The following USP47 variants were observed in gnomAD, a reference collection of about 807,000 sequenced individuals.
The protein encoded by USP47 is ubiquitin specific peptidase 47.
In USP47, 35 loss-of-function variants were observed where a neutral mutation model predicts 165.1. The observed-to-expected ratio is 0.21, with a 90% CI of 0.16 to 0.28. USP47 has a LOEUF of 0.28. USP47 is among the 10% of genes least tolerant of loss of function. The pLI, the probability that USP47 is intolerant of heterozygous loss-of-function variation, is 1.00. For missense variants in USP47, 1,277 were observed against 1,607.4 expected, an observed-to-expected ratio of 0.79 and a Z score of 3.52; for synonymous variants, 531 against 544.5, an observed-to-expected ratio of 0.98 and a Z score of 0.35.
chr11:11,861,239 C>T (rs143120142), intron 1 of USP47, among the ~76,000 whole-genome samples: 4,221 of 152,218 alleles, frequency 0.028, 165 homozygotes, highest in African/African-American at 0.086. Context: ...GAATTACAGG[C>T]ATGTGCCACC....
intron 1 of USP47, among the ~76,000 whole-genome samples, chr11:11,875,035 G>T (rs1377006303): frequency 7.9e-5 from 4 of 50,946 alleles, no homozygotes; most frequent in East Asian, 9.7e-4. Context: ...TTGACTTATT[G>T]TGTGTGTGTG....
At chr11:11,917,866 T>C (rs909642083) in intron 8 of USP47, among the ~76,000 whole-genome samples, 1 of 152,142 alleles carries the variant, frequency 6.6e-6, no homozygotes, top group African/African-American at 2.4e-5. Context: ...GGGCTTAAAT[T>C]GCCTATTAAA....
At chr11:11,855,462 C>G (rs1470319074) in intron 1 of USP47, among the ~76,000 whole-genome samples, 3 of 152,134 alleles carry the variant, frequency 2.0e-5, no homozygotes, top group Admixed American at 6.5e-5. Flanking sequence ...TAATAATTTT[C>G]AAGTATTAGT....
intron 16 of USP47, 83 bp downstream of exon 16, chr11:11,934,018 G>T: frequency 1.0e-6 from 1 of 978,328 alleles, no homozygotes. Context: ...ATGGATAATA[G>T]TTATATAAAC....
At chr11:11,853,799 A>G (rs1231131036) in intron 1 of USP47, among the ~76,000 whole-genome samples, 2 of 152,172 alleles carry the variant, frequency 1.3e-5, no homozygotes, top group Non-Finnish European at 2.9e-5. Flanking sequence ...TATATGTCTC[A>G]AGTTTTGATG....
intron 1 of USP47, among the ~76,000 whole-genome samples, chr11:11,875,033 TTGTGTGTGTGTG>T (rs57342188): frequency 2.5e-4 from 24 of 95,426 alleles, no homozygotes; most frequent in African/African-American, 4.0e-4. Context: ...AATTGACTTA[TTGTGTGTGTGTG>T]TGTGTGTGTG....
chr11:11,854,695 G>T (rs1286570427), intron 1 of USP47, among the ~76,000 whole-genome samples: 1 of 147,606 alleles, frequency 6.8e-6, no homozygotes, highest in African/African-American at 2.4e-5. Context: ...ATTACAGCCT[G>T]TCAGCTACTT....
intron 20 of USP47, among the ~76,000 whole-genome samples, chr11:11,944,132 T>C (rs1250321907): frequency 6.7e-6 from 1 of 150,122 alleles, no homozygotes; most frequent in Non-Finnish European, 1.5e-5. Flanking sequence ...TCTTTATCCA[T>C]CCAGTCATCC....
At chr11:11,869,768 T>C (rs1849912397) in intron 1 of USP47, among the ~76,000 whole-genome samples, 1 of 152,200 alleles carries the variant, frequency 6.6e-6, no homozygotes, top group African/African-American at 2.4e-5. Flanking sequence ...AAGAGGTATT[T>C]AGATCATGAG....
In USP47 at chr11:11,867,157, A is replaced by G. The variant is rs192996424; in HGVS notation, c.40-13020A>G. On this transcript the variant is annotated intron_variant, in intron 1 of 27. Coordinates refer to ENST00000527733, the MANE Select transcript of USP47 (RefSeq NM_001282659.2). ...GGTGATGCGCCCACCCGGCCCTTTC[A>G]AAGTGTTGGGATTATAGGCGTGAGC... is the stretch of plus-strand genomic sequence containing the variant. 3.6e-4 allele frequency among the ~76,000 whole-genome samples: 55 copies of G among 152,250 alleles called. 1 individual carries two copies. Among genetic ancestry groups the G allele is most frequent in the Admixed American group, 3.4e-3 (52 of 15,306 alleles).
intron 10 of USP47, 118 bp downstream of exon 10, chr11:11,920,612 CTTTTTCTTTCTT>C: frequency 1.1e-6 from 1 of 869,838 alleles, no homozygotes; most frequent in Admixed American, 3.9e-5. Context: ...TTGATGGAAA[CTTTTTCTTTCTT>C]ATTTTCTAAT....
rs1847374894 is a variant in USP47, at chr11:11,959,794, C to G, written c.*3619C>G. Among the ~76,000 whole-genome samples, 1 of 152,110 alleles carries G rather than the reference C, an allele frequency of 6.6e-6. No homozygotes were observed. Among genetic ancestry groups the G allele is most frequent in the African/African-American group, 2.4e-5 (1 of 41,428 alleles). ...CCACCTCCTCACCAGCTCACCTGTA[C>G]AAGAGAATTGATCTCAACTGAGTGT... is the stretch of plus-strand genomic sequence containing the variant. On this transcript the variant is annotated 3_prime_UTR_variant, in exon 28 of 28. Transcript: ENST00000527733.
chr11:11,908,585 C>T (rs150628110), intron 8 of USP47, among the ~76,000 whole-genome samples: 1 of 152,026 alleles, frequency 6.6e-6, no homozygotes, highest in African/African-American at 2.4e-5. Context: ...ATAATATCCA[C>T]AATCAATTTT....
intron 2 of USP47, among the ~76,000 whole-genome samples, chr11:11,881,321 T>C (rs1236822415): frequency 1.3e-5 from 2 of 152,138 alleles, no homozygotes; most frequent in Non-Finnish European, 2.9e-5. Flanking sequence ...ACCTCTCCGG[T>C]CACAGTGCCC....
intron 19 of USP47, 29 bp from the exon 20 acceptor site, chr11:11,942,306 A>G (rs900878301): frequency 6.5e-7 from 1 of 1,534,160 alleles, no homozygotes; most frequent in Non-Finnish European, 8.7e-7. Flanking sequence ...TAAAATTAAT[A>G]TATAATAAAA....
intron 14 of USP47, among the ~76,000 whole-genome samples, chr11:11,931,249 A>G (rs1854645522): frequency 6.6e-6 from 1 of 152,172 alleles, no homozygotes; most frequent in African/African-American, 2.4e-5. Context: ...CGTTGCTATT[A>G]GTAAATCTGT....
intron 8 of USP47, among the ~76,000 whole-genome samples, chr11:11,908,064 G>A (rs1192221291): frequency 1.3e-5 from 2 of 151,626 alleles, no homozygotes; most frequent in Non-Finnish European, 2.9e-5. Context: ...CTCCAGCCTG[G>A]GCAACTGAGC....
In USP47 at chr11:11,961,221, G is replaced by A. The variant is rs1420670028; in HGVS notation, c.*5046G>A. On this transcript the variant is annotated 3_prime_UTR_variant, in exon 28 of 28. Transcript: ENST00000527733. Reference sequence around the variant, plus strand: ...CTGACAGGGCAAAAGAGATTTTGCAGATGCAATTAAGGTTAAGGACCTTGA... The same window carrying A: ...CTGACAGGGCAAAAGAGATTTTGCAAATGCAATTAAGGTTAAGGACCTTGA... Among the ~76,000 whole-genome samples, 5 of 152,174 alleles carry A rather than the reference G, an allele frequency of 3.3e-5. No homozygotes were observed. The highest frequency in any genetic ancestry group is 5.9e-5 in the Non-Finnish European group (4 of 68,032).
At chr11:11,894,813 A>G (rs1851746817) in intron 4 of USP47, among the ~76,000 whole-genome samples, 1 of 152,194 alleles carries the variant, frequency 6.6e-6, no homozygotes, top group Non-Finnish European at 1.5e-5. Context: ...ATATATTAAA[A>G]TACATGTCAT....
Sources: allele counts gnomAD v4.1 joint callset (sites outside exome capture counted in the v4.1 genomes callset), GRCh38; gene constraint gnomAD v4.1.1; transcripts MANE v1.5; gene names NCBI Gene and HGNC (gene_info 2026-07-23, HGNC 2026-07-21).